The following LYPLAL1 variants were observed in gnomAD, a reference collection of about 807,000 sequenced individuals.
The protein encoded by LYPLAL1 is lysophospholipase-like protein 1.
In LYPLAL1, 23 loss-of-function variants were observed where a neutral mutation model predicts 19.7. The ratio of observed to expected loss-of-function variants is 1.17; its 90% confidence interval spans 0.84 to 1.65. LYPLAL1 has a LOEUF of 1.65. Ranked by LOEUF, LYPLAL1 falls within the 40% of genes most tolerant of loss-of-function variation. The pLI is 0.00. For synonymous variants in LYPLAL1, 119 were observed against 96.3 expected, an observed-to-expected ratio of 1.24 and a Z score of -1.38; for missense variants, 355 against 279.4, an observed-to-expected ratio of 1.27 and a Z score of -1.93.
the LYPLAL1 span, among the ~76,000 whole-genome samples, chr1:219,381,124 C>G: frequency 1.2e-4 from 19 of 152,188 alleles, 1 homozygote; most frequent in South Asian, 1.9e-3. Flanking sequence ...TGAGAGGGAC[C>G]GGGTGGGAGG....
chr1:219,412,400 C>T, the LYPLAL1 span, among the ~76,000 whole-genome samples: 7 of 152,120 alleles, frequency 4.6e-5, no homozygotes, highest in African/African-American at 1.7e-4. Flanking sequence ...GGCGATAACC[C>T]CTCCATCATG....
chr1:219,289,147 T>C, the LYPLAL1 span, among the ~76,000 whole-genome samples: 1 of 148,124 alleles, frequency 6.8e-6, no homozygotes, highest in East Asian at 2.0e-4. Context: ...GTAACTGAGA[T>C]ACATTTCTAA....
the LYPLAL1 span, among the ~76,000 whole-genome samples, chr1:219,385,084 G>A: frequency 4.6e-5 from 7 of 152,242 alleles, no homozygotes; most frequent in Admixed American, 3.9e-4. Context: ...AAACCTATAA[G>A]TTGGCTGTAA....
the LYPLAL1 span, among the ~76,000 whole-genome samples, chr1:219,288,752 AG>A: frequency 6.6e-6 from 1 of 152,220 alleles, no homozygotes; most frequent in Non-Finnish European, 1.5e-5. Context: ...CCATATGTGG[AG>A]ACAAGAGTAT....
Position 219,210,602 on chromosome 1 carries a change from A to G in LYPLAL1, c.432A>G (p.Val144=). 1 of 1,610,486 alleles carries G rather than the reference A, an allele frequency of 6.2e-7. No individual in the cohort carries two copies. The highest frequency in any genetic ancestry group is 8.5e-7 in the Non-Finnish European group (1 of 1,177,892). ...AYRNHQDVAG[V]FALSSFLNKA... Reference sequence around the variant, plus strand: ...GAAATCATCAAGATGTGGCAGGAGTATTTGCTCTTTCTAGTTTTCTGAATA... The same window carrying G: ...GAAATCATCAAGATGTGGCAGGAGTGTTTGCTCTTTCTAGTTTTCTGAATA... The change falls in exon 4 of 5, where the codon GTA becomes GTG. Residue 144 remains valine, a synonymous_variant. Coordinates refer to ENST00000366928, the MANE Select transcript of LYPLAL1 (RefSeq NM_138794.5).
the LYPLAL1 span, among the ~76,000 whole-genome samples, chr1:219,331,598 C>T: frequency 6.6e-6 from 1 of 152,144 alleles, no homozygotes; most frequent in Non-Finnish European, 1.5e-5. Flanking sequence ...GCACACATGC[C>T]GTTGCCAAAG....
At chr1:219,342,401 A>T in the LYPLAL1 span, among the ~76,000 whole-genome samples, 1 of 152,212 alleles carries the variant, frequency 6.6e-6, no homozygotes, top group South Asian at 2.1e-4. Flanking sequence ...CTTTTAATAC[A>T]ACCCACTACA....
At chr1:219,232,111 C>A in the LYPLAL1 span, among the ~76,000 whole-genome samples, 2 of 152,086 alleles carry the variant, frequency 1.3e-5, no homozygotes, top group East Asian at 3.9e-4. Context: ...ATTTTATTAT[C>A]TTAGCTTTCA....
chr1:219,278,666 A>G, the LYPLAL1 span, among the ~76,000 whole-genome samples: 1 of 122,718 alleles, frequency 8.1e-6, no homozygotes, highest in South Asian at 2.7e-4. Flanking sequence ...CTTTTGTCAC[A>G]TAAAAATCAC....
At chr1:219,184,870 G>A (rs1217810282) in intron 2 of LYPLAL1, among the ~76,000 whole-genome samples, 1 of 151,786 alleles carries the variant, frequency 6.6e-6, no homozygotes, top group Non-Finnish European at 1.5e-5. Flanking sequence ...GTGTTCATGA[G>A]GAATATTGTT....
the LYPLAL1 span, among the ~76,000 whole-genome samples, chr1:219,397,040 G>A: frequency 6.6e-6 from 1 of 152,112 alleles, no homozygotes; most frequent in African/African-American, 2.4e-5. Context: ...GTATGATGTT[G>A]GCTATGGATT....
the LYPLAL1 span, among the ~76,000 whole-genome samples, chr1:219,324,823 T>C: frequency 1.3e-5 from 2 of 152,198 alleles, no homozygotes; most frequent in Non-Finnish European, 2.9e-5. Context: ...CTAACTGATG[T>C]TTCACTGAGT....
chr1:219,382,973 A>G, the LYPLAL1 span, among the ~76,000 whole-genome samples: 2 of 152,088 alleles, frequency 1.3e-5, no homozygotes, highest in Admixed American at 6.5e-5. Context: ...AGTTGCATCT[A>G]TCTGATAGTA....
At chr1:219,186,562 G>A (rs1158378409) in intron 2 of LYPLAL1, among the ~76,000 whole-genome samples, 2 of 151,400 alleles carry the variant, frequency 1.3e-5, no homozygotes, top group African/African-American at 2.4e-5. Flanking sequence ...TCTATAAAAT[G>A]TTCCTTTTTA....
At chr1:219,318,782 C>T in the LYPLAL1 span, among the ~76,000 whole-genome samples, 5 of 152,156 alleles carry the variant, frequency 3.3e-5, no homozygotes, top group African/African-American at 1.2e-4. Flanking sequence ...ACCGTGTCCT[C>T]AAACACTCAC....
the LYPLAL1 span, among the ~76,000 whole-genome samples, chr1:219,220,337 T>G: frequency 1.3e-5 from 2 of 151,836 alleles, no homozygotes; most frequent in Non-Finnish European, 2.9e-5. Flanking sequence ...CAGAATTAAG[T>G]TTAAATATCC....
chr1:219,176,095 G>A (rs1471553283), intron 1 of LYPLAL1, among the ~76,000 whole-genome samples: 1 of 152,172 alleles, frequency 6.6e-6, no homozygotes, highest in Non-Finnish European at 1.5e-5. Context: ...TCTTCTAGGA[G>A]ATAGCAGCCA....
the LYPLAL1 span, among the ~76,000 whole-genome samples, chr1:219,419,739 A>AG: frequency 3.9e-5 from 6 of 152,092 alleles, no homozygotes; most frequent in East Asian, 1.9e-4. Context: ...CTGTGGGGGT[A>AG]GGGGGTCCAG....
At chr1:219,334,560 T>TG in the LYPLAL1 span, among the ~76,000 whole-genome samples, 1 of 150,636 alleles carries the variant, frequency 6.6e-6, no homozygotes, top group Non-Finnish European at 1.5e-5. Flanking sequence ...TGTGTGTGTG[T>TG]TTAATCTGCA....
Sources: gnomAD v4.1 joint callset for allele counts (sites outside exome capture counted in the v4.1 genomes callset) on GRCh38, gnomAD v4.1.1 for gene constraint, MANE v1.5 for transcripts, NCBI Gene and HGNC (gene_info 2026-07-23, HGNC 2026-07-21) for gene names.